Variants in NUP188 observed in about 807,000 individuals in gnomAD.
The protein encoded by NUP188 is nucleoporin 188, also known as nucleoporin NUP188.
NUP188 carries 97 observed loss-of-function variants against 223.0 expected under a neutral mutation model. The ratio of observed to expected loss-of-function variants is 0.43; its 90% CI spans 0.37 to 0.51. The LOEUF (loss-of-function observed/expected upper bound fraction) is 0.51. Ranked by LOEUF, NUP188 falls within the 20% of genes least tolerant of loss-of-function variation. The pLI, the probability that NUP188 is intolerant of heterozygous loss-of-function variation, is 0.00. For missense variants in NUP188, 1,947 were observed against 2,175.6 expected, an observed-to-expected ratio of 0.89 and a Z score of 2.09; for synonymous variants, 869 against 828.0, an observed-to-expected ratio of 1.05 and a Z score of -0.85.
Position 128,999,289 on chromosome 9 carries a change from C to T in NUP188, c.3633C>T (p.Ile1211=). 1 of 1,614,166 alleles carries T rather than the reference C, an allele frequency of 6.2e-7. No individual in the cohort carries two copies. The highest frequency in any genetic ancestry group is 8.5e-7 in the Non-Finnish European group (1 of 1,180,022). The change falls in exon 33 of 44, where the codon ATC becomes ATT. Residue 1211 remains isoleucine, a synonymous_variant. Transcript: ENST00000372577. ...AGGCCAAGGTGTTCTCAGCATTCAT[C>T]ACAGTGTTGCAAATGAAGGAGATGA... ...KTKAKVFSAF[I]TVLQMKEMKV...
At chr9:128,991,162 CTT>C (rs78549616) in intron 25 of NUP188, among the ~76,000 whole-genome samples, 154 of 123,382 alleles carry the variant, frequency 1.2e-3, no homozygotes, top group Admixed American at 1.5e-3. Context: ...CTCCAGATTT[CTT>C]TTTTTTTTTT....
Position 128,956,427 on chromosome 9 carries a change from A to G in NUP188, c.239A>G (p.Lys80Arg). Residue 80 changes from lysine (K) to arginine (R), a missense_variant, in exon 4 of 44, where the codon AAG becomes AGG. Physicochemically the swap from Lys to Arg is conservative, Grantham distance 26. Coordinates refer to ENST00000372577, the MANE Select transcript of NUP188 (RefSeq NM_015354.3). ...PLKELGLRIS[K>R]FLGLDEEQSV... The stretch of plus-strand genomic sequence containing the variant: ...AAGGAACTGGGTTTAAGAATCAGCA[A>G]GTTTTTGGTGAGTAAAAATTAGCAC... 6.4e-7 allele frequency: 1 copy of G among 1,568,190 alleles called. No homozygotes were observed. Among genetic ancestry groups the G allele is most frequent in the Non-Finnish European group, 8.6e-7 (1 of 1,157,358 alleles).
rs550728222 is a variant in NUP188 at position 129,006,358 on chromosome 9, G to A, written c.5063G>A (p.Ser1688Asn). Residue 1688 changes from serine (S) to asparagine (N), a missense_variant, in exon 43 of 44, where the codon AGC becomes AAC. Coordinates refer to ENST00000372577, the MANE Select transcript of NUP188 (RefSeq NM_015354.3). ...AAACAGCGGATGAAGCAGGAGCTCA[G>A]CTCTGAGTTGGTACGGATGGATAGG... ...RDKQRMKQEL[S>N]SELSTLLSSL... is the part of the protein sequence containing the mutation. The A allele has an allele frequency of 6.2e-7, 1 of 1,614,214 alleles. No individual in the cohort carries two copies. Among genetic ancestry groups the A allele is most frequent in the African/African-American group, 1.3e-5 (1 of 75,046 alleles).
At chr9:128,992,190 C>G (rs1001852122) in intron 25 of NUP188, among the ~76,000 whole-genome samples, 5 of 151,956 alleles carry the variant, frequency 3.3e-5, no homozygotes, top group East Asian at 2.0e-4. Flanking sequence ...GCCACCGCGC[C>G]CAGCCCTTCC....
At chr9:128,959,163 T>C in intron 8 of NUP188, 29 bp downstream of exon 8, 1 of 874,300 alleles carries the variant, frequency 1.1e-6, no homozygotes, top group Non-Finnish European at 1.6e-6. Context: ...CTCCTGTAAC[T>C]TTTTTTTTTT....
intron 2 of NUP188, among the ~76,000 whole-genome samples, chr9:128,949,612 G>A (rs911348554): frequency 5.3e-5 from 8 of 151,038 alleles, no homozygotes; most frequent in Non-Finnish European, 7.4e-5. Flanking sequence ...GATTATAGGC[G>A]TGAGCCACCA....
chr9:128,947,921 C>T, intron 1 of NUP188, 170 bp downstream of exon 1: 1 of 499,636 alleles, frequency 2.0e-6, no homozygotes, highest in South Asian at 7.7e-5. Context: ...TCCCCGCGCG[C>T]GGGGATCTGA....
intron 12 of NUP188, among the ~76,000 whole-genome samples, chr9:128,978,934 C>T (rs1360811285): frequency 2.0e-5 from 3 of 152,178 alleles, no homozygotes; most frequent in African/African-American, 2.4e-5. Flanking sequence ...TGGTCTCGAA[C>T]TCCTGACCTC....
chr9:129,001,779 G>C, intron 35 of NUP188, 50 bp downstream of exon 35: 1 of 1,602,658 alleles, frequency 6.2e-7, no homozygotes, highest in Non-Finnish European at 8.5e-7. Context: ...TTGCCTGGGT[G>C]GGTTCTGACA....
chr9:128,950,827 A>G (rs1841772969), intron 2 of NUP188, among the ~76,000 whole-genome samples: 1 of 152,188 alleles, frequency 6.6e-6, no homozygotes, highest in Non-Finnish European at 1.5e-5. Context: ...CCCCAGCTCA[A>G]AAAAGCAAAA....
chr9:128,955,100 C>T (rs1460753994), intron 3 of NUP188, among the ~76,000 whole-genome samples: 1 of 152,104 alleles, frequency 6.6e-6, no homozygotes, highest in Non-Finnish European at 1.5e-5. Context: ...ATCCGCCCGC[C>T]TCAGCCTCCC....
intron 25 of NUP188, among the ~76,000 whole-genome samples, chr9:128,991,158 ATTTCT>A (rs1356179076): frequency 2.8e-5 from 4 of 143,444 alleles, no homozygotes; most frequent in Non-Finnish European, 6.0e-5. Context: ...CATGCTCCAG[ATTTCT>A]TTTTTTTTTT....
chr9:128,962,234 C>T (rs1564552218), intron 8 of NUP188, among the ~76,000 whole-genome samples: 1 of 150,424 alleles, frequency 6.6e-6, no homozygotes, highest in Non-Finnish European at 1.5e-5. Flanking sequence ...TGCACCTGAC[C>T]AACACACCAT....
Position 128,990,218 on chromosome 9 carries a change from C to G in NUP188, c.2632C>G (p.Leu878Val). Reference protein sequence around the residue: ...PRLAIQLLKRLATVAPMSVYA... With the variant: ...PRLAIQLLKRVATVAPMSVYA... ...TCTTGCCATTCAGCTGCTGAAACGT[C>G]TGGCCACGGTAGGATCGTACTTCAT... The change falls in exon 25 of 44, where the codon CTG (leucine) becomes GTG (valine). Residue 878 changes from leucine to valine, a missense_variant. By Grantham distance (32) the Leu-to-Val change is conservative. Coordinates refer to ENST00000372577, the MANE Select transcript of NUP188 (RefSeq NM_015354.3). The G allele has an allele frequency of 6.2e-7, 1 of 1,612,862 alleles. No individual in the cohort carries two copies. Among genetic ancestry groups the G allele is most frequent in the Non-Finnish European group, 8.5e-7 (1 of 1,178,828 alleles).
chr9:128,955,956 T>TG (rs1841862714), intron 3 of NUP188, among the ~76,000 whole-genome samples: 1 of 140,870 alleles, frequency 7.1e-6, no homozygotes, highest in African/African-American at 2.8e-5. Flanking sequence ...CAACTGTTTA[T>TG]GAGCTGTGGG....
At chr9:128,994,743 GT>G in intron 28 of NUP188, 112 bp from the exon 29 acceptor site, 1 of 878,636 alleles carries the variant, frequency 1.1e-6, no homozygotes, top group Non-Finnish European at 1.9e-6. Flanking sequence ...TTCAACAGGG[GT>G]TGTGCTAACT....
chr9:128,968,300 G>T (rs1285491119), intron 8 of NUP188, among the ~76,000 whole-genome samples: 1 of 152,118 alleles, frequency 6.6e-6, no homozygotes. Flanking sequence ...TACGGACCAG[G>T]TGCAGTGGCT....
At position 128,999,786 on chromosome 9, in the gene NUP188, A is replaced by C; in HGVS notation, c.3824A>C (p.His1275Pro). The part of the protein sequence containing the change: ...METDDCSRSR[H>P]RDQRDGVCVL... ...ACTGACGACTGTTCTCGGTCCCGGC[A>C]CAGGGACCAGCGTGATGGGGTGAGA... The change falls in exon 34 of 44, where the codon CAC (histidine) becomes CCC (proline). Residue 1275 changes from histidine to proline, a missense_variant. His to Pro is a moderately conservative substitution (Grantham distance 77, BLOSUM62 -2). Coordinates refer to ENST00000372577, the MANE Select transcript of NUP188 (RefSeq NM_015354.3). 2.5e-6 allele frequency: 4 copies of C among 1,614,214 alleles called. No homozygotes were observed. Among genetic ancestry groups the C allele is most frequent in the Non-Finnish European group, 2.5e-6 (3 of 1,180,034 alleles).
chr9:128,982,680 C>T lies in NUP188; in HGVS notation c.1648C>T (p.Leu550Phe). The part of the protein sequence containing the change: ...TLFTCEIEML[L>F]HVVSTADVIQ... ...CTTTACCTGCGAGATTGAAATGTTG[C>T]TTCATGTTGTTTCAACTGCAGGTAA... is the stretch of plus-strand genomic sequence containing the variant. The change falls in exon 16 of 44, where the codon CTT becomes TTT. Residue 550 changes from leucine (L) to phenylalanine (F), a missense_variant. By Grantham distance (22) the Leu-to-Phe change is conservative. Around this residue, in one of 3 missense-constraint regions of NUP188, gnomAD observed 817 missense variants for 865.8 expected, o/e 0.94. Transcript: ENST00000372577. 6.2e-7 allele frequency: 1 copy of T among 1,613,938 alleles called. No homozygotes were observed. Among genetic ancestry groups the T allele is most frequent in the South Asian group, 1.1e-5 (1 of 91,022 alleles).
Sources: gnomAD v4.1 joint callset for allele counts (sites outside exome capture counted in the v4.1 genomes callset) on GRCh38, gnomAD v4.1.1 for gene constraint, gnomAD v4.1.1 regional missense constraint, MANE v1.5 for transcripts, NCBI Gene and HGNC (gene_info 2026-07-23, HGNC 2026-07-21) for gene names.